THSD4: variants seen among roughly 807,000 people sequenced by gnomAD.
The protein encoded by THSD4 is thrombospondin type 1 domain containing 4.
A neutral mutation model predicts 119.0 loss-of-function variants in THSD4; 69 were observed. The ratio of observed to expected loss-of-function variants is 0.58; its 90% CI spans 0.48 to 0.71. THSD4 has a LOEUF of 0.71. THSD4 is among the 30% of genes least tolerant of loss of function. The pLI is 0.00. For synonymous variants in THSD4, 524 were observed against 540.4 expected (o/e 0.97, Z 0.42); for missense variants, 1,393 against 1,391.1 (o/e 1.00, Z -0.02).
intron 6 of THSD4, among the ~76,000 whole-genome samples, chr15:71,333,501 G>T (rs1278981020): frequency 1.3e-5 from 2 of 151,856 alleles, no homozygotes; most frequent in Admixed American, 6.6e-5. Context: ...CTGAACCTTT[G>T]TTTTTTTTCT....
intron 8 of THSD4, among the ~76,000 whole-genome samples, chr15:71,676,236 A>C (rs2051646881): frequency 6.6e-6 from 1 of 152,214 alleles, no homozygotes; most frequent in African/African-American, 2.4e-5. Flanking sequence ...TGTTAAGTGT[A>C]TAATTCAGTG....
At chr15:71,330,925 C>T (rs1017273002) in intron 6 of THSD4, among the ~76,000 whole-genome samples, 2 of 152,224 alleles carry the variant, frequency 1.3e-5, no homozygotes, top group African/African-American at 4.8e-5. Context: ...GACATGGACA[C>T]TAACCCGTTT....
At chr15:71,572,383 C>G (rs986917878) in intron 7 of THSD4, among the ~76,000 whole-genome samples, 2 of 152,126 alleles carry the variant, frequency 1.3e-5, no homozygotes, top group African/African-American at 2.4e-5. Context: ...TTGTTTCTAT[C>G]TTTTTACTTC....
At chr15:71,644,087 A>G (rs576474294) in intron 7 of THSD4, among the ~76,000 whole-genome samples, 1 of 152,358 alleles carries the variant, frequency 6.6e-6, no homozygotes, top group South Asian at 2.1e-4. Flanking sequence ...TTTAGCAGAC[A>G]TGATTTATAG....
chr15:71,209,081 C>T (rs1415108525), intron 3 of THSD4, among the ~76,000 whole-genome samples: 3 of 152,120 alleles, frequency 2.0e-5, no homozygotes, highest in Non-Finnish European at 2.9e-5. Context: ...CCACCTCACC[C>T]CCATCCTTTA....
chr15:71,416,073 A>C (rs564082906), intron 7 of THSD4, among the ~76,000 whole-genome samples: 10 of 152,226 alleles, frequency 6.6e-5, no homozygotes, highest in Non-Finnish European at 1.3e-4. Context: ...CTGGGATTAC[A>C]GGTGTGAGCC....
intron 7 of THSD4, among the ~76,000 whole-genome samples, chr15:71,430,248 T>C (rs1192687299): frequency 6.6e-6 from 1 of 152,202 alleles, no homozygotes; most frequent in East Asian, 1.9e-4. Flanking sequence ...AGATGCACCA[T>C]TGTTTTCTTC....
At chr15:71,193,095 G>A (rs1191495760) in intron 3 of THSD4, among the ~76,000 whole-genome samples, 10 of 152,322 alleles carry the variant, frequency 6.6e-5, no homozygotes, top group Middle Eastern at 3.4e-3. Flanking sequence ...GATGGGCGGG[G>A]ATCCTGGGGG....
intron 7 of THSD4, among the ~76,000 whole-genome samples, chr15:71,520,785 G>A (rs1445541010): frequency 6.6e-6 from 1 of 152,140 alleles, no homozygotes; most frequent in Non-Finnish European, 1.5e-5. Flanking sequence ...TTTGCCCAAA[G>A]TGCTATATAG....
intron 6 of THSD4, among the ~76,000 whole-genome samples, chr15:71,258,668 CACTT>C (rs1172453545): frequency 6.6e-6 from 1 of 152,158 alleles, no homozygotes; most frequent in Non-Finnish European, 1.5e-5. Context: ...GTGTAATACT[CACTT>C]AATATGGGTG....
chr15:71,527,693 C>T lies in THSD4; in HGVS notation c.1152+115870C>T, dbSNP rs1435829267. On this transcript the variant is annotated intron_variant, in intron 7 of 17. Transcript: ENST00000261862. ...TACTCAGATTTTGTTGATTTTTTTT[C>T]CCCATGTTTATCCTCTTTTTTTTTT... Among the ~76,000 whole-genome samples the T allele has an allele frequency of 2.7e-5, 4 of 148,792 alleles. No homozygotes were observed. In the East Asian group the frequency reaches 8.0e-4, roughly 30 times the overall value.
intron 7 of THSD4, among the ~76,000 whole-genome samples, chr15:71,628,527 C>T (rs2050551843): frequency 6.6e-6 from 1 of 152,184 alleles, no homozygotes. Flanking sequence ...GCTGCTCACC[C>T]TTTGGGACGC....
intron 6 of THSD4, among the ~76,000 whole-genome samples, chr15:71,308,500 T>G (rs2045065080): frequency 6.6e-6 from 1 of 152,246 alleles, no homozygotes; most frequent in South Asian, 2.1e-4. Flanking sequence ...TTTTCTTTAT[T>G]TTTTACTGAG....
chr15:71,643,170 A>C (rs759025844), intron 7 of THSD4, among the ~76,000 whole-genome samples: 1 of 152,154 alleles, frequency 6.6e-6, no homozygotes, highest in Admixed American at 6.5e-5. Flanking sequence ...TGCATATGCT[A>C]AATCATCTGG....
At chr15:71,612,061 A>G (rs1465805003) in intron 7 of THSD4, among the ~76,000 whole-genome samples, 3 of 152,130 alleles carry the variant, frequency 2.0e-5, no homozygotes, top group Non-Finnish European at 4.4e-5. Context: ...TCCCAGGAAA[A>G]CTGGGTCATT....
chr15:71,328,959 C>T (rs919509593), intron 6 of THSD4, among the ~76,000 whole-genome samples: 1 of 152,168 alleles, frequency 6.6e-6, no homozygotes, highest in Non-Finnish European at 1.5e-5. Flanking sequence ...CTAAGTTTCT[C>T]TCCAACTCTA....
chr15:71,435,386 T>G (rs530470131), intron 7 of THSD4, among the ~76,000 whole-genome samples: 112 of 152,334 alleles, frequency 7.4e-4, no homozygotes, highest in Admixed American at 1.8e-3. Flanking sequence ...TTAAAAATCT[T>G]GCCAAGGGAG....
intron 1 of THSD4, among the ~76,000 whole-genome samples, chr15:71,139,354 G>A (rs143157381): frequency 1.3e-5 from 2 of 152,152 alleles, no homozygotes; most frequent in African/African-American, 4.8e-5. Context: ...TTAGTTGATG[G>A]TTATCAGGGA....
At chr15:71,159,742 A>G (rs977889013) in intron 3 of THSD4, among the ~76,000 whole-genome samples, 1 of 152,022 alleles carries the variant, frequency 6.6e-6, no homozygotes, top group African/African-American at 2.4e-5. Context: ...CAGGGACAAT[A>G]TGATTTCCTT....
Sources: allele counts gnomAD v4.1 joint callset (sites outside exome capture counted in the v4.1 genomes callset), GRCh38; gene constraint gnomAD v4.1.1; transcripts MANE v1.5; gene names NCBI Gene and HGNC (gene_info 2026-07-23, HGNC 2026-07-21).